Variants in LRRC17 observed in about 807,000 individuals in gnomAD.
The protein encoded by LRRC17 is leucine rich repeat containing 17, also known as leucine-rich repeat-containing protein 17.
LRRC17 carries 33 observed loss-of-function variants against 41.5 expected under a neutral mutation model. The ratio of observed to expected loss-of-function variants is 0.80; its 90% CI spans 0.60 to 1.06. The LOEUF is 1.06. Among genes scored for constraint, LRRC17 ranks in the 50% least tolerant of loss-of-function variants. The pLI, the probability that LRRC17 is intolerant of heterozygous loss-of-function variation, is 0.00. For synonymous variants in LRRC17, 192 were observed against 197.0 expected, an observed-to-expected ratio of 0.97 and a Z score of 0.21; for missense variants, 491 against 519.3, an observed-to-expected ratio of 0.95 and a Z score of 0.53.
At chr7:102,916,432 T>C (rs1330390733) in intron 1 of LRRC17, among the ~76,000 whole-genome samples, 3 of 152,166 alleles carry the variant, frequency 2.0e-5, no homozygotes, top group Admixed American at 2.0e-4. Context: ...GACTCCTGGA[T>C]TGAAAATCTC....
chr7:102,935,242 C>T (rs200129736), intron 2 of LRRC17, among the ~76,000 whole-genome samples: 192 of 76,340 alleles, frequency 2.5e-3, no homozygotes, highest in Middle Eastern at 9.8e-3. Flanking sequence ...TTTTTTCTTT[C>T]TTTTTTTTTT....
chr7:102,932,354 C>T (rs1490660913), intron 1 of LRRC17, among the ~76,000 whole-genome samples: 2 of 151,988 alleles, frequency 1.3e-5, no homozygotes, highest in Non-Finnish European at 1.5e-5. Flanking sequence ...TCTATATAGC[C>T]ACTACTTGGA....
intron 3 of LRRC17, chr7:102,942,350 T>C (rs757365863): frequency 8.3e-6 from 13 of 1,560,942 alleles, no homozygotes; most frequent in Middle Eastern, 1.7e-4. Flanking sequence ...GTGGTAAGTA[T>C]ACAAATGCAG....
chr7:102,942,233 C>A (rs1405654285), intron 3 of LRRC17: 4 of 1,367,428 alleles, frequency 2.9e-6, no homozygotes, highest in African/African-American at 1.5e-5. Flanking sequence ...AGTATCTTGG[C>A]AGTTAAGGCA....
chr7:102,932,426 C>A lies in LRRC17; in HGVS notation c.-140-1348C>A, dbSNP rs150560883. Among the ~76,000 whole-genome samples, 568 of 152,292 alleles carry A rather than the reference C, an allele frequency of 3.7e-3. 5 individuals carry two copies. Among genetic ancestry groups the A allele is most frequent in the African/African-American group, 0.014 (561 of 41,554 alleles). On this transcript the variant is annotated intron_variant, in intron 1 of 3. Transcript: ENST00000339431. ...TATCCACCCACTCATTCATCTCTAT[C>A]TATAGCCCTCAATCATCTTATTTTT... is the stretch of plus-strand genomic sequence containing the variant.
intron 1 of LRRC17, among the ~76,000 whole-genome samples, chr7:102,926,732 A>G (rs1179360320): frequency 6.6e-6 from 1 of 152,212 alleles, no homozygotes; most frequent in Non-Finnish European, 1.5e-5. Flanking sequence ...GCAATTAAAA[A>G]CTGATCCATT....
rs376246276 is a variant in LRRC17 at position 102,933,957 on chromosome 7, C to T, written c.44C>T (p.Ala15Val). 19 of 1,613,318 alleles carry T rather than the reference C, an allele frequency of 1.2e-5. No individual in the cohort carries two copies. The highest frequency in any genetic ancestry group is 1.4e-5 in the Non-Finnish European group (17 of 1,179,524). ...TIVILLCFCK[A>V]AELRKASPGS... ...GTAATCTTGCTCTGCTTTTGCAAAG[C>T]GGCTGAGCTGCGCAAAGCAAGCCCA... Residue 15 changes from alanine to valine, a missense_variant, in exon 2 of 4, where the codon GCG becomes GTG. Physicochemically the swap from Ala to Val is moderately conservative, Grantham distance 64. Transcript: ENST00000339431.
chr7:102,914,881 T>G (rs1815517135), intron 1 of LRRC17, among the ~76,000 whole-genome samples: 1 of 152,154 alleles, frequency 6.6e-6, no homozygotes, highest in African/African-American at 2.4e-5. Flanking sequence ...GTACACCCTG[T>G]GATTCAACTG....
At chr7:102,926,058 G>A (rs1292838461) in intron 1 of LRRC17, among the ~76,000 whole-genome samples, 1 of 152,110 alleles carries the variant, frequency 6.6e-6, no homozygotes, top group Non-Finnish European at 1.5e-5. Flanking sequence ...AAGCTACTGG[G>A]CACATTGCTG....
At chr7:102,933,451 C>T (rs1456605170) in intron 1 of LRRC17, 1 of 152,548 alleles carries the variant, frequency 6.6e-6, no homozygotes, top group Non-Finnish European at 1.5e-5. Flanking sequence ...GTGACTACTT[C>T]CCCCGGGGTG....
At chr7:102,937,678 C>T (rs1820597754) in intron 2 of LRRC17, among the ~76,000 whole-genome samples, 1 of 152,016 alleles carries the variant, frequency 6.6e-6, no homozygotes, top group Non-Finnish European at 1.5e-5. Context: ...TTATTAAATT[C>T]CCTTTGGTAG....
chr7:102,937,592 G>A (rs932130409), intron 2 of LRRC17, among the ~76,000 whole-genome samples: 1 of 151,024 alleles, frequency 6.6e-6, no homozygotes, highest in Non-Finnish European at 1.5e-5. Flanking sequence ...TATAAATCTA[G>A]TGATTCATTT....
In LRRC17 at chr7:102,922,146, T is replaced by C. The variant is rs187483618; in HGVS notation, c.-141+9001T>C. 1.3e-3 allele frequency among the ~76,000 whole-genome samples: 191 copies of C among 150,668 alleles called. 3 individuals are homozygous for C. The highest frequency in any genetic ancestry group is 7.0e-3 in the Admixed American group (105 of 15,088). On this transcript the variant is annotated intron_variant, in intron 1 of 3. Transcript: ENST00000339431. ...CGGAGGTTGCAGTGAGCTGAGGTCG[T>C]GCCACTGCATTCCAGCCTGGGCGAC... is the stretch of plus-strand genomic sequence containing the variant.
Position 102,933,836 on chromosome 7 carries a change from C to T in LRRC17, c.-78C>T. On this transcript the variant is annotated 5_prime_UTR_variant, in exon 2 of 4. Coordinates refer to ENST00000339431, the MANE Select transcript of LRRC17 (RefSeq NM_001031692.3). Reference sequence around the variant, plus strand: ...TCCAGAACTGCATTAGTTAAGATTACCCAGACTTGGATTTCAAAGGAATAC... The same window carrying T: ...TCCAGAACTGCATTAGTTAAGATTATCCAGACTTGGATTTCAAAGGAATAC... 1 of 1,433,256 alleles carries T rather than the reference C, an allele frequency of 7.0e-7. No individual in the cohort carries two copies. Among genetic ancestry groups the T allele is most frequent in the East Asian group, 2.5e-5 (1 of 40,306 alleles). The allele number at this position is 1,433,256 out of a possible 1,614,324, so 88.8% of individuals were successfully genotyped here. A position where few individuals can be genotyped will look rare whatever the true frequency, so the allele number is the denominator to read the frequency against.
intron 1 of LRRC17, among the ~76,000 whole-genome samples, chr7:102,926,006 C>A (rs902417425): frequency 6.6e-6 from 1 of 151,410 alleles, no homozygotes; most frequent in Non-Finnish European, 1.5e-5. Context: ...AGCTTGAATG[C>A]CCAGAATGGG....
At chr7:102,915,687 A>T (rs1013092290) in intron 1 of LRRC17, among the ~76,000 whole-genome samples, 3 of 152,132 alleles carry the variant, frequency 2.0e-5, no homozygotes, top group Non-Finnish European at 4.4e-5. Context: ...AATATATAAG[A>T]TTACAAAAAC....
chr7:102,931,892 G>T, intron 1 of LRRC17: 1 of 1,613,276 alleles, frequency 6.2e-7, no homozygotes, highest in South Asian at 1.1e-5. Flanking sequence ...GTGAATGTTG[G>T]GCAGTCAGAG....
intron 1 of LRRC17, among the ~76,000 whole-genome samples, chr7:102,932,093 C>T (rs1819289212): frequency 6.6e-6 from 1 of 151,966 alleles, no homozygotes; most frequent in African/African-American, 2.4e-5. Flanking sequence ...AGAAAAATGG[C>T]TTTTTTGGGC....
chr7:102,924,022 C>T (rs749924398), intron 1 of LRRC17, among the ~76,000 whole-genome samples: 9 of 152,048 alleles, frequency 5.9e-5, no homozygotes, highest in Admixed American at 1.3e-4. Flanking sequence ...GGTGGATCAT[C>T]TAAGGTCAGG....
Sources: gnomAD v4.1 joint callset for allele counts (sites outside exome capture counted in the v4.1 genomes callset) on GRCh38, gnomAD v4.1.1 for gene constraint, MANE v1.5 for transcripts, NCBI Gene and HGNC (gene_info 2026-07-23, HGNC 2026-07-21) for gene names.